Variants in DPYD observed in about 807,000 individuals in gnomAD.
DPYD encodes dihydropyrimidine dehydrogenase [NADP(+)].
In DPYD, 109 loss-of-function variants were observed where a neutral mutation model predicts 116.2. The ratio of observed to expected loss-of-function variants is 0.94; its 90% CI spans 0.80 to 1.10. The LOEUF (loss-of-function observed/expected upper bound fraction) is 1.10, where lower values mean the gene tolerates loss of function less well. DPYD is among the 50% of genes least tolerant of loss of function. The pLI is 0.00. For synonymous variants in DPYD, 440 were observed against 432.0 expected (o/e 1.02, Z -0.23); for missense variants, 1,302 against 1,254.5 (o/e 1.04, Z -0.57).
At chr1:97,795,413 A>G (rs1667516999) in intron 3 of DPYD, among the ~76,000 whole-genome samples, 1 of 152,060 alleles carries the variant, frequency 6.6e-6, no homozygotes, top group African/African-American at 2.4e-5. Flanking sequence ...ATACATAATT[A>G]ACTACTCAAC....
intron 2 of DPYD, among the ~76,000 whole-genome samples, chr1:97,879,057 C>G (rs1292031941): frequency 6.6e-6 from 1 of 151,924 alleles, no homozygotes; most frequent in Non-Finnish European, 1.5e-5. Context: ...ACTAAAAGAG[C>G]TCTCTGGCAA....
At chr1:97,746,832 G>A (rs1048757863) in intron 3 of DPYD, among the ~76,000 whole-genome samples, 10 of 151,920 alleles carry the variant, frequency 6.6e-5, no homozygotes, top group Admixed American at 3.3e-4. Flanking sequence ...AAATATAAAC[G>A]ATATAAAAAT....
At chr1:97,648,205 T>C (rs1480099000) in intron 8 of DPYD, among the ~76,000 whole-genome samples, 1 of 152,028 alleles carries the variant, frequency 6.6e-6, no homozygotes, top group African/African-American at 2.4e-5. Flanking sequence ...GGAATCTAGA[T>C]AGTGAGACTA....
intron 19 of DPYD, among the ~76,000 whole-genome samples, chr1:97,199,026 T>C (rs1401546063): frequency 1.3e-5 from 2 of 152,174 alleles, no homozygotes; most frequent in African/African-American, 2.4e-5. Context: ...GAGGCCGACC[T>C]GTGCAGAACA....
chr1:97,623,316 G>A (rs995447612), intron 8 of DPYD, among the ~76,000 whole-genome samples: 2 of 152,036 alleles, frequency 1.3e-5, no homozygotes, highest in Non-Finnish European at 1.5e-5. Context: ...CCCCACAAAG[G>A]AGAAAACACA....
intron 2 of DPYD, among the ~76,000 whole-genome samples, chr1:97,876,186 C>A (rs543305073): frequency 6.6e-6 from 1 of 151,936 alleles, no homozygotes; most frequent in Non-Finnish European, 1.5e-5. Context: ...AATGTAATGA[C>A]CAGGAAATCC....
chr1:97,427,728 C>A (rs1323519532), intron 14 of DPYD, among the ~76,000 whole-genome samples: 1 of 151,900 alleles, frequency 6.6e-6, no homozygotes, highest in Admixed American at 6.6e-5. Flanking sequence ...TGAAAATGCA[C>A]CTCCGTCTCA....
chr1:97,459,832 T>C (rs2101819651), intron 13 of DPYD, among the ~76,000 whole-genome samples: 1 of 152,046 alleles, frequency 6.6e-6, no homozygotes, highest in Non-Finnish European at 1.5e-5. Flanking sequence ...TGTGTAAAAA[T>C]ATAAAGGTGT....
chr1:97,616,687 C>A (rs536279163), intron 8 of DPYD, among the ~76,000 whole-genome samples: 5 of 152,166 alleles, frequency 3.3e-5, no homozygotes, highest in South Asian at 2.1e-4. Context: ...AAAATAGAGA[C>A]CTAGTTCATA....
chr1:97,647,543 CAT>C (rs1397631809), intron 8 of DPYD, among the ~76,000 whole-genome samples: 1 of 151,812 alleles, frequency 6.6e-6, no homozygotes, highest in East Asian at 1.9e-4. Flanking sequence ...TCCAAAATCA[CAT>C]ATGTTTTTGA....
At chr1:97,595,681 C>T (rs116566349) in intron 8 of DPYD, among the ~76,000 whole-genome samples, 2,042 of 151,448 alleles carry the variant, frequency 0.013, 23 homozygotes, top group Non-Finnish European at 0.022. Flanking sequence ...TGAATTAAAA[C>T]GAAAATTATT....
At chr1:97,589,403 A>G (rs1303126595) in intron 10 of DPYD, among the ~76,000 whole-genome samples, 1 of 152,192 alleles carries the variant, frequency 6.6e-6, no homozygotes, top group African/African-American at 2.4e-5. Context: ...GAGTTCTCAC[A>G]GATCTGATGA....
chr1:97,382,482 G>T lies in DPYD; in HGVS notation c.1906-21C>A, dbSNP rs757161490. On this transcript the variant is annotated intron_variant, in intron 14 of 22. Coordinates refer to ENST00000370192, the MANE Select transcript of DPYD (RefSeq NM_000110.4). Reference sequence around the variant, plus strand: ...ACAATCTTTAAAAAGAAAAACAAAAGAATATAAGTTCAAGTAGTTATCCAG... The same window carrying T: ...ACAATCTTTAAAAAGAAAAACAAAATAATATAAGTTCAAGTAGTTATCCAG... 1.5e-5 allele frequency: 23 copies of T among 1,496,350 alleles called. 1 individual carries two copies. In the East Asian group the frequency reaches 4.9e-4, roughly 32 times the overall value. 92.7% of individuals were successfully genotyped at this position (1,496,350 alleles called of 1,614,324 possible).
intron 14 of DPYD, among the ~76,000 whole-genome samples, chr1:97,435,048 C>A (rs1570729231): frequency 6.6e-6 from 1 of 151,964 alleles, no homozygotes; most frequent in Non-Finnish European, 1.5e-5. Context: ...TTTGTCAATT[C>A]TTGTTTCTTC....
chr1:97,733,453 A>G (rs1474956767), intron 4 of DPYD, among the ~76,000 whole-genome samples: 2 of 151,974 alleles, frequency 1.3e-5, no homozygotes, highest in African/African-American at 4.8e-5. Flanking sequence ...ATTTTTTTCT[A>G]AAAGTAGTGT....
At chr1:97,102,990 G>A (rs987351835) in intron 20 of DPYD, among the ~76,000 whole-genome samples, 1 of 151,974 alleles carries the variant, frequency 6.6e-6, no homozygotes, top group African/African-American at 2.4e-5. Context: ...GTAGTTCTTG[G>A]ATACCTAAAA....
At chr1:97,384,223 T>C (rs544107193) in intron 14 of DPYD, among the ~76,000 whole-genome samples, 2 of 146,582 alleles carry the variant, frequency 1.4e-5, no homozygotes, top group East Asian at 2.0e-4. Context: ...TCTCACTACA[T>C]AGAGCTTTTT....
At chr1:97,920,154 ATC>A (rs1674433495) in intron 1 of DPYD, among the ~76,000 whole-genome samples, 1 of 152,216 alleles carries the variant, frequency 6.6e-6, no homozygotes, top group Non-Finnish European at 1.5e-5. Context: ...AATCCTTTTC[ATC>A]GCATATATTA....
At chr1:97,625,539 G>A (rs1183131069) in intron 8 of DPYD, among the ~76,000 whole-genome samples, 1 of 151,976 alleles carries the variant, frequency 6.6e-6, no homozygotes, top group Admixed American at 6.6e-5. Context: ...ATCTGTATTT[G>A]GAGATAAGAT....
Sources: gnomAD v4.1 joint callset for allele counts (sites outside exome capture counted in the v4.1 genomes callset) on GRCh38, gnomAD v4.1.1 for gene constraint, MANE v1.5 for transcripts, NCBI Gene and HGNC (gene_info 2026-07-23, HGNC 2026-07-21) for gene names.